The following PPM1H variants were observed in gnomAD, a reference collection of about 807,000 sequenced individuals.
PPM1H encodes the protein protein phosphatase, Mg2+/Mn2+ dependent 1H.
PPM1H carries 27 observed loss-of-function variants against 54.9 expected under a neutral mutation model. The ratio of observed to expected loss-of-function variants is 0.49; its 90% CI spans 0.36 to 0.68. The LOEUF (loss-of-function observed/expected upper bound fraction) is 0.68, where lower values mean the gene tolerates loss of function less well. Among genes scored for constraint, PPM1H ranks in the 30% least tolerant of loss-of-function variants. PPM1H has a pLI of 0.00. For missense variants in PPM1H, 596 were observed against 667.8 expected (o/e 0.89, Z 1.19); for synonymous variants, 305 against 270.8 (o/e 1.13, Z -1.24).
chr12:62,823,912 A>T (rs773643405), intron 2 of PPM1H, among the ~76,000 whole-genome samples: 2 of 152,196 alleles, frequency 1.3e-5, no homozygotes, highest in African/African-American at 4.8e-5. Context: ...CAATCAGGCA[A>T]GAGAAAGAAA....
At chr12:62,827,048 C>A (rs1248400522) in intron 2 of PPM1H, among the ~76,000 whole-genome samples, 3 of 152,204 alleles carry the variant, frequency 2.0e-5, no homozygotes, top group African/African-American at 7.2e-5. Flanking sequence ...ACCTAAGCCA[C>A]TTCTATGGCT....
intron 4 of PPM1H, among the ~76,000 whole-genome samples, chr12:62,787,866 T>C (rs1160019884): frequency 3.3e-5 from 5 of 152,130 alleles, no homozygotes; most frequent in African/African-American, 1.2e-4. Context: ...TGGAGTCAAC[T>C]GGGGAGTCAT....
At chr12:62,788,886 C>T (rs534378575) in intron 3 of PPM1H, among the ~76,000 whole-genome samples, 5 of 151,956 alleles carry the variant, frequency 3.3e-5, no homozygotes, top group African/African-American at 4.8e-5. Flanking sequence ...CCACCATGCC[C>T]GGCTAATTTT....
chr12:62,684,358 C>T (rs1339953136), intron 8 of PPM1H, among the ~76,000 whole-genome samples: 1 of 152,160 alleles, frequency 6.6e-6, no homozygotes, highest in African/African-American at 2.4e-5. Flanking sequence ...GGCGGCTGCT[C>T]TTTGGGTTTG....
intron 3 of PPM1H, among the ~76,000 whole-genome samples, chr12:62,798,287 G>A (rs12830400): frequency 0.065 from 9,879 of 152,272 alleles, 343 homozygotes; most frequent in African/African-American, 0.089. Flanking sequence ...GGATAGTCTG[G>A]GGCTCTGGAA....
At chr12:62,748,196 T>C (rs1273535736) in intron 4 of PPM1H, among the ~76,000 whole-genome samples, 4 of 151,784 alleles carry the variant, frequency 2.6e-5, no homozygotes, top group African/African-American at 9.7e-5. Context: ...GGAGCCGAGA[T>C]TGCGCCACTG....
At chr12:62,777,531 C>T (rs941664141) in intron 4 of PPM1H, among the ~76,000 whole-genome samples, 25 of 152,224 alleles carry the variant, frequency 1.6e-4, no homozygotes, top group Middle Eastern at 3.4e-3. Flanking sequence ...AATATATGCA[C>T]GATGAACTGT....
chr12:62,756,084 A>G, intron 4 of PPM1H: 2 of 1,030,360 alleles, frequency 1.9e-6, no homozygotes. Flanking sequence ...CTCTGATTTT[A>G]ACAGCGACAT....
At chr12:62,807,095 A>G (rs2076809280) in intron 2 of PPM1H, among the ~76,000 whole-genome samples, 1 of 152,208 alleles carries the variant, frequency 6.6e-6, no homozygotes, top group African/African-American at 2.4e-5. Flanking sequence ...GGCATGATGC[A>G]CGAGCATAGA....
intron 9 of PPM1H, among the ~76,000 whole-genome samples, chr12:62,657,252 G>A (rs2075850006): frequency 6.6e-6 from 1 of 152,120 alleles, no homozygotes; most frequent in Non-Finnish European, 1.5e-5. Context: ...CTGGTTCCCT[G>A]GTTTCTTAGG....
chr12:62,893,727 T>C (rs1483415342), intron 1 of PPM1H, among the ~76,000 whole-genome samples: 3 of 152,092 alleles, frequency 2.0e-5, no homozygotes, highest in Non-Finnish European at 1.5e-5. Flanking sequence ...CCTCAAGTGA[T>C]CCACCTGCCT....
chr12:62,818,629 G>A (rs749506988), intron 2 of PPM1H, among the ~76,000 whole-genome samples: 1 of 151,928 alleles, frequency 6.6e-6, no homozygotes, highest in Non-Finnish European at 1.5e-5. Context: ...CATGTCAAGA[G>A]GCTTGCACAT....
chr12:62,731,198 G>C (rs2076318877), intron 5 of PPM1H, among the ~76,000 whole-genome samples: 1 of 152,162 alleles, frequency 6.6e-6, no homozygotes, highest in Admixed American at 6.5e-5. Context: ...TTTATAATTA[G>C]AAAATTTGAA....
At chr12:62,922,244 C>G (rs189882753) in intron 1 of PPM1H, among the ~76,000 whole-genome samples, 1 of 151,942 alleles carries the variant, frequency 6.6e-6, no homozygotes, top group East Asian at 1.9e-4. Flanking sequence ...TGCCTTTATT[C>G]CATGTAAAGC....
chr12:62,710,101 G>A (rs967910076), intron 6 of PPM1H, among the ~76,000 whole-genome samples: 9 of 151,820 alleles, frequency 5.9e-5, no homozygotes, highest in African/African-American at 1.9e-4. Flanking sequence ...CTTGGGCCAC[G>A]TGGCAATCTC....
chr12:62,890,108 C>G (rs1870730879), intron 1 of PPM1H, among the ~76,000 whole-genome samples: 1 of 152,068 alleles, frequency 6.6e-6, no homozygotes. Context: ...GAAAATGGGC[C>G]AAAGACTTTA....
chr12:62,686,916 T>A (rs1259968886), intron 8 of PPM1H, among the ~76,000 whole-genome samples: 1 of 152,060 alleles, frequency 6.6e-6, no homozygotes, highest in East Asian at 1.9e-4. Flanking sequence ...TCCGCCAAAG[T>A]GGTGGGTCTA....
intron 8 of PPM1H, among the ~76,000 whole-genome samples, chr12:62,689,344 G>C (rs1375522313): frequency 1.3e-5 from 2 of 152,212 alleles, no homozygotes; most frequent in African/African-American, 2.4e-5. Context: ...TGAACACCAA[G>C]TGAATGGGAG....
chr12:62,905,084 T>A (rs1227314908), intron 1 of PPM1H, among the ~76,000 whole-genome samples: 1 of 152,194 alleles, frequency 6.6e-6, no homozygotes, highest in Non-Finnish European at 1.5e-5. Flanking sequence ...CTCCTGGGCT[T>A]CAATTTCTTC....
Sources: allele counts gnomAD v4.1 joint callset (sites outside exome capture counted in the v4.1 genomes callset), GRCh38; gene constraint gnomAD v4.1.1; transcripts MANE v1.5; gene names NCBI Gene and HGNC (gene_info 2026-07-23, HGNC 2026-07-21).